The following RASA1 variants were observed in gnomAD, a reference collection of about 807,000 sequenced individuals.
The protein encoded by RASA1 is ras GTPase-activating protein 1.
In RASA1, 25 loss-of-function variants were observed where a neutral mutation model predicts 132.2. The ratio of observed to expected loss-of-function variants is 0.19; its 90% CI spans 0.14 to 0.26. The LOEUF (loss-of-function observed/expected upper bound fraction) is 0.26, where lower values mean the gene tolerates loss of function less well. Among genes scored for constraint, RASA1 ranks in the 10% least tolerant of loss-of-function variants. The pLI, the probability that RASA1 is intolerant of heterozygous loss-of-function variation, is 1.00. For missense variants in RASA1, 964 were observed against 1,299.2 expected, an observed-to-expected ratio of 0.74 and a Z score of 3.97; for synonymous variants, 477 against 449.9, an observed-to-expected ratio of 1.06 and a Z score of -0.76.
At chr5:87,362,273 G>A (rs1374170362) in intron 9 of RASA1, among the ~76,000 whole-genome samples, 2 of 152,066 alleles carry the variant, frequency 1.3e-5, no homozygotes, top group East Asian at 1.9e-4. Flanking sequence ...GACTGTATTC[G>A]AAAATAGCTT....
intron 1 of RASA1, among the ~76,000 whole-genome samples, chr5:87,293,608 G>T (rs868784551): frequency 8.5e-5 from 13 of 152,140 alleles, no homozygotes; most frequent in Non-Finnish European, 4.4e-5. Flanking sequence ...AATGACTTAG[G>T]AAGTAACTGC....
In RASA1 at chr5:87,268,730, T is replaced by C. The variant is rs1753683275; in HGVS notation, c.279T>C (p.Ala93=). ...GAGLTGGGTA[A]GVAGAAAGVA... is the part of the protein sequence containing the mutation. ...GACTGACAGGGGGAGGTACTGCTGC[T>C]GGCGTAGCTGGTGCTGCTGCTGGCG... The change falls in exon 1 of 25, where the codon GCT becomes GCC. Residue 93 remains alanine, a synonymous_variant. Transcript: ENST00000274376. The C allele has an allele frequency of 6.2e-7, 1 of 1,612,842 alleles. No individual in the cohort carries two copies. Among genetic ancestry groups the C allele is most frequent in the Admixed American group, 1.7e-5 (1 of 59,782 alleles).
In RASA1 at chr5:87,268,536, G is replaced by T. The variant is rs777487947; in HGVS notation, c.85G>T (p.Ala29Ser). 2.9e-5 allele frequency: 47 copies of T among 1,596,186 alleles called. No homozygotes were observed. The highest frequency in any genetic ancestry group is 3.8e-5 in the Non-Finnish European group (44 of 1,172,780). Residue 29 changes from alanine (A) to serine (S), a missense_variant, in exon 1 of 25, where the codon GCC (alanine) becomes TCC (serine). Coordinates refer to ENST00000274376, the MANE Select transcript of RASA1 (RefSeq NM_002890.3). Reference protein sequence around the residue: ...GGGGAAAGSSAYPAVCRVKIP... With the variant: ...GGGGAAAGSSSYPAVCRVKIP... Reference sequence around the variant, plus strand: ...AGGCGGCGCGGCAGCGGGCTCCAGTGCCTATCCCGCAGTGTGTCGGGTGAA... The same window carrying T: ...AGGCGGCGCGGCAGCGGGCTCCAGTTCCTATCCCGCAGTGTGTCGGGTGAA...
chr5:87,365,237 T>G (rs3804232), intron 11 of RASA1, among the ~76,000 whole-genome samples: 1 of 151,882 alleles, frequency 6.6e-6, no homozygotes, highest in African/African-American at 2.4e-5. Context: ...GTAGAGATAT[T>G]TAACAAATGT....
Position 87,268,407 on chromosome 5 carries a change from G to T in RASA1, c.-45G>T. On this transcript the variant is annotated 5_prime_UTR_variant, in exon 1 of 25. Transcript: ENST00000274376. Reference sequence around the variant, plus strand: ...GGAGCCCGGGCCTGGTGGCCCCTGGGGCTCCCGGGCGGGCAGGGTAGGGCA... The same window carrying T: ...GGAGCCCGGGCCTGGTGGCCCCTGGTGCTCCCGGGCGGGCAGGGTAGGGCA... The T allele has an allele frequency of 6.7e-7, 1 of 1,486,476 alleles. No individual in the cohort carries two copies. Among genetic ancestry groups the T allele is most frequent in the Non-Finnish European group, 9.0e-7 (1 of 1,114,864 alleles). The allele number at this position is 1,486,476 out of a possible 1,614,324, so 92.1% of individuals were successfully genotyped here. A position where few individuals can be genotyped will look rare whatever the true frequency, so the allele number is the denominator to read the frequency against.
At chr5:87,363,285 TTAA>T (rs1205813949) in intron 10 of RASA1, 60 bp from the exon 11 acceptor site, 6 of 1,382,500 alleles carry the variant, frequency 4.3e-6, no homozygotes, top group South Asian at 1.2e-5. Flanking sequence ...AACACTAATT[TTAA>T]TAATATGTAG....
intron 1 of RASA1, among the ~76,000 whole-genome samples, chr5:87,277,916 C>G (rs1754136862): frequency 6.6e-6 from 1 of 152,076 alleles, no homozygotes; most frequent in Admixed American, 6.5e-5. Context: ...TGGAAAGATC[C>G]TACACATGAC....
At chr5:87,290,545 T>C (rs570849095) in intron 1 of RASA1, among the ~76,000 whole-genome samples, 1 of 152,318 alleles carries the variant, frequency 6.6e-6, no homozygotes, top group Admixed American at 6.5e-5. Flanking sequence ...GCATTGTACA[T>C]TCTATAGGTT....
At chr5:87,376,242 A>C in intron 15 of RASA1, 151 bp from the exon 16 acceptor site, 1 of 864,166 alleles carries the variant, frequency 1.2e-6, no homozygotes, top group Non-Finnish European at 1.8e-6. Flanking sequence ...GTAAATAAAC[A>C]ACTAAATATT....
intron 11 of RASA1, among the ~76,000 whole-genome samples, chr5:87,365,907 A>G (rs1363052231): frequency 1.3e-5 from 2 of 152,112 alleles, no homozygotes; most frequent in Non-Finnish European, 2.9e-5. Context: ...CCTGAATTCC[A>G]TATTAAATAA....
chr5:87,374,457 A>T (rs1205860149), intron 14 of RASA1, 137 bp downstream of exon 14: 77 of 244,014 alleles, frequency 3.2e-4, no homozygotes, highest in African/African-American at 1.8e-3. Context: ...ATATATATAT[A>T]TATTTTTTTT....
Position 87,391,549 on chromosome 5 carries a change from AGACTGTATTTAGATCTCAT to A in RASA1, c.*667_*685del, listed in dbSNP as rs1176313932. ...CGACTTATTTTGTTGAAATTGTCAAAGACTGTATTTAGATCTCATAATGCTTTGTTAAATGTTTACAAGT... is the reference window on the plus strand; with the variant it reads ...CGACTTATTTTGTTGAAATTGTCAAAAATGCTTTGTTAAATGTTTACAAGT... On this transcript the variant is annotated 3_prime_UTR_variant, in exon 25 of 25. Transcript: ENST00000274376. 1 of 238,032 alleles carries A rather than the reference AGACTGTATTTAGATCTCAT, an allele frequency of 4.2e-6. No individual in the cohort carries two copies. Among genetic ancestry groups the A allele is most frequent in the Non-Finnish European group, 8.3e-6 (1 of 120,436 alleles). The allele number at this position is 238,032 out of a possible 1,614,324, so 14.7% of individuals were successfully genotyped here. A position where few individuals can be genotyped will look rare whatever the true frequency, so the allele number is the denominator to read the frequency against.
At chr5:87,301,051 A>C (rs1221794497) in intron 1 of RASA1, among the ~76,000 whole-genome samples, 1 of 152,184 alleles carries the variant, frequency 6.6e-6, no homozygotes. Context: ...TTTTCAAGTT[A>C]CCACTGTTGT....
chr5:87,323,396 G>A (rs938482057), intron 1 of RASA1, among the ~76,000 whole-genome samples: 6 of 152,168 alleles, frequency 3.9e-5, no homozygotes, highest in Non-Finnish European at 5.9e-5. Flanking sequence ...TGGGCATATT[G>A]TGGAGAACTT....
In RASA1 at chr5:87,376,711, A is replaced by T. The variant is rs374521288; in HGVS notation, c.2184+146A>T. ...ATTTTAAACCTTGTTTTATACTGTA[A>T]TTTTGGTAGAAATAAGTAGACTACG... On this transcript the variant is annotated intron_variant, in intron 16 of 24. Transcript: ENST00000274376. 5 of 1,260,566 alleles carry T rather than the reference A, an allele frequency of 4.0e-6. No homozygotes were observed. The South Asian group carries it at 5.5e-5, about 14-fold the overall frequency. 78.1% of individuals were successfully genotyped at this position (1,260,566 alleles called of 1,614,324 possible).
intron 23 of RASA1, among the ~76,000 whole-genome samples, chr5:87,388,451 G>A (rs1762221620): frequency 6.6e-6 from 1 of 152,150 alleles, no homozygotes; most frequent in Non-Finnish European, 1.5e-5. Flanking sequence ...AAAACTTGTT[G>A]AGCACCAACA....
chr5:87,349,476 T>G (rs1243765183), intron 8 of RASA1, 112 bp downstream of exon 8: 1 of 1,245,614 alleles, frequency 8.0e-7, no homozygotes, highest in Non-Finnish European at 1.1e-6. Context: ...CTAAAAATTA[T>G]AAGACCTTCA....
At chr5:87,311,785 G>A (rs1755932207) in intron 1 of RASA1, among the ~76,000 whole-genome samples, 1 of 152,194 alleles carries the variant, frequency 6.6e-6, no homozygotes, top group Non-Finnish European at 1.5e-5. Flanking sequence ...CCAGAGGTCA[G>A]ACTGATACTG....
intron 18 of RASA1, among the ~76,000 whole-genome samples, chr5:87,379,470 T>A (rs897764386): frequency 1.3e-5 from 2 of 152,146 alleles, no homozygotes; most frequent in African/African-American, 4.8e-5. Flanking sequence ...TTTAATCAGC[T>A]TTTTTTCCCC....
Sources: gnomAD v4.1 joint callset for allele counts (sites outside exome capture counted in the v4.1 genomes callset) on GRCh38, gnomAD v4.1.1 for gene constraint, MANE v1.5 for transcripts, NCBI Gene and HGNC (gene_info 2026-07-23, HGNC 2026-07-21) for gene names.